The following LMO3 variants were observed in gnomAD, a reference collection of about 807,000 sequenced individuals.
The protein encoded by LMO3 is LIM domain only 3.
A neutral mutation model predicts 15.8 loss-of-function variants in LMO3; 2 were observed. That is an observed-to-expected ratio of 0.13 (90% confidence interval 0.05 to 0.40). The LOEUF (loss-of-function observed/expected upper bound fraction) is 0.40. LMO3 is among the 10% of genes least tolerant of loss of function. LMO3 has a pLI of 0.99. For synonymous variants in LMO3, 62 were observed against 63.8 expected (o/e 0.97, Z 0.13); for missense variants, 86 against 182.2 (o/e 0.47, Z 3.04).
In LMO3 at chr12:16,584,739, C is replaced by A; in HGVS notation, c.206+15916G>T. Among the ~76,000 whole-genome samples, 1 of 152,210 alleles carries A rather than the reference C, an allele frequency of 6.6e-6. No homozygotes were observed. Among genetic ancestry groups the A allele is most frequent in the South Asian group, 2.1e-4 (1 of 4,822 alleles). ...CAGCAAGAGATTTCTTTTATCAGGACGGGCTGCTTCTCGCCTCACAAAGCA... is the reference window on the plus strand; with the variant it reads ...CAGCAAGAGATTTCTTTTATCAGGAAGGGCTGCTTCTCGCCTCACAAAGCA... On this transcript the variant is annotated intron_variant, in intron 2 of 3. Coordinates refer to ENST00000537304, the MANE Select transcript of LMO3 (RefSeq NM_018640.5). This position sits in a 1 kb window ranked among gnomAD's most constrained non-coding sequence, Gnocchi z 5.2.
intron 2 of LMO3, among the ~76,000 whole-genome samples, chr12:16,574,413 G>T (rs1417059304): frequency 6.6e-6 from 1 of 152,102 alleles, no homozygotes; most frequent in African/African-American, 2.4e-5. Context: ...TCACGGATTT[G>T]CTGCTCTCCA....
rs933974267 is a variant in LMO3, at chr12:16,591,117, T to G, written c.206+9538A>C. The stretch of plus-strand genomic sequence containing the variant: ...GACATTTAGAAATGTATACGGGGCA[T>G]TGTTTGTTGCAACAGTGATAGGTGG... On this transcript the variant is annotated intron_variant, in intron 2 of 3. Coordinates refer to ENST00000537304, the MANE Select transcript of LMO3 (RefSeq NM_018640.5). This position sits in a 1 kb window ranked among gnomAD's most constrained non-coding sequence, Gnocchi z 4.1. Among the ~76,000 whole-genome samples the G allele has an allele frequency of 6.6e-6, 1 of 152,052 alleles. No homozygotes were observed. Among genetic ancestry groups the G allele is most frequent in the African/African-American group, 2.4e-5 (1 of 41,418 alleles).
chr12:16,579,001 A>G (rs1411895682), intron 2 of LMO3, among the ~76,000 whole-genome samples: 1 of 152,204 alleles, frequency 6.6e-6, no homozygotes, highest in East Asian at 1.9e-4. Context: ...CTAGTATATT[A>G]CATTTGTACA....
rs928835900 is a variant in LMO3, at chr12:16,549,075, G to A, written c.*2147C>T. On this transcript the variant is annotated 3_prime_UTR_variant, in exon 4 of 4. Transcript: ENST00000537304. ...AAACCTTAAAAGATCATCTGAATAA[G>A]ATCCTGACAATTATAATTTTACATC... is the stretch of plus-strand genomic sequence containing the variant. 1 of 152,090 alleles carries A rather than the reference G, an allele frequency of 6.6e-6. No homozygotes were observed. The highest frequency in any genetic ancestry group is 2.4e-5 in the African/African-American group (1 of 41,414). 9.4% of individuals were successfully genotyped at this position (152,090 alleles called of 1,614,324 possible). A position where few individuals can be genotyped will look rare whatever the true frequency, so the allele number is the denominator to read the frequency against.
rs1943553768 is a variant in LMO3, at chr12:16,593,453, A to G, written c.206+7202T>C. Among the ~76,000 whole-genome samples the G allele has an allele frequency of 6.6e-6, 1 of 151,858 alleles. No individual in the cohort carries two copies. The highest frequency in any genetic ancestry group is 1.5e-5 in the Non-Finnish European group (1 of 67,792). On this transcript the variant is annotated intron_variant, in intron 2 of 3. Transcript: ENST00000537304. This position sits in a 1 kb window ranked among gnomAD's most constrained non-coding sequence, Gnocchi z 4.2. ...AAGTGTGATTTCATTTTAAACTTGT[A>G]AAGCCCACAACTAGAGATTTTTGCA...
At chr12:16,600,925 C>T in intron 1 of LMO3, 57 bp from the exon 2 acceptor site, 1 of 1,239,432 alleles carries the variant, frequency 8.1e-7, no homozygotes, top group Non-Finnish European at 1.2e-6. Context: ...AATAAAAAGA[C>T]CTCAAACAAG....
rs1315654999 is a variant in LMO3 at position 16,566,021 on chromosome 12, T to C, written c.207-5483A>G. On this transcript the variant is annotated intron_variant, in intron 2 of 3. Transcript: ENST00000537304. ...ATATATATATATATATATATATATA[T>C]ATATATATATATATATATAAAATGG... Among the ~76,000 whole-genome samples, 3 of 79,152 alleles carry C rather than the reference T, an allele frequency of 3.8e-5. 1 individual carries two copies. In the South Asian group the frequency reaches 1.3e-3, roughly 33 times the overall value. 51.9% of individuals were successfully genotyped at this position (79,152 alleles called of 152,430 possible). A position where few individuals can be genotyped will look rare whatever the true frequency, so the allele number is the denominator to read the frequency against.
chr12:16,566,039 T>TATATATATAA lies in LMO3; in HGVS notation c.207-5502_207-5501insTTATATATAT, dbSNP rs1565488437. ...ATATATATATATATATATATATATA[T>TATATATATAA]AAAATGGAGTACTATTCAGCCATAA... is the stretch of plus-strand genomic sequence containing the variant. On this transcript the variant is annotated intron_variant, in intron 2 of 3. Transcript: ENST00000537304. Among the ~76,000 whole-genome samples, 11 of 86,506 alleles carry TATATATATAA rather than the reference T, an allele frequency of 1.3e-4. 1 individual carries two copies. Among genetic ancestry groups the TATATATATAA allele is most frequent in the Non-Finnish European group, 2.0e-4 (9 of 44,266 alleles). 56.8% of individuals were successfully genotyped at this position (86,506 alleles called of 152,430 possible).
Position 16,589,128 on chromosome 12 carries a change from C to T in LMO3, c.206+11527G>A, listed in dbSNP as rs1434020190. Among the ~76,000 whole-genome samples the T allele has an allele frequency of 5.9e-5, 9 of 151,960 alleles. No individual in the cohort carries two copies. The highest frequency in any genetic ancestry group is 2.0e-4 in the Admixed American group (3 of 15,236). ...CAACCTGACATGCCTCTAAGATCTA[C>T]GAATTAGATGTAACCTCACCCAGTT... On this transcript the variant is annotated intron_variant, in intron 2 of 3. Transcript: ENST00000537304. The surrounding 1 kb of genome is among the most constrained non-coding windows in gnomAD (Gnocchi z 4.2).
rs1390295017 is a variant in LMO3 at position 16,576,613 on chromosome 12, A to G, written c.207-16075T>C. Among the ~76,000 whole-genome samples, 1 of 152,150 alleles carries G rather than the reference A, an allele frequency of 6.6e-6. No homozygotes were observed. The highest frequency in any genetic ancestry group is 2.4e-5 in the African/African-American group (1 of 41,428). ...CCTGTTTGTCTCTTTCTCACTACAT[A>G]ATAAGCTCCCTGAAAACTTGCCTTC... On this transcript the variant is annotated intron_variant, in intron 2 of 3. Transcript: ENST00000537304. This position sits in a 1 kb window ranked among gnomAD's most constrained non-coding sequence, Gnocchi z 4.1.
chr12:16,569,796 G>C (rs1286543023), intron 2 of LMO3, among the ~76,000 whole-genome samples: 1 of 152,028 alleles, frequency 6.6e-6, no homozygotes, highest in Non-Finnish European at 1.5e-5. Flanking sequence ...GAAAGAACTA[G>C]AGTATTAAAA....
At chr12:16,579,281 C>T (rs1314850207) in intron 2 of LMO3, among the ~76,000 whole-genome samples, 1 of 152,106 alleles carries the variant, frequency 6.6e-6, no homozygotes, top group Non-Finnish European at 1.5e-5. Flanking sequence ...CAAGAATTGT[C>T]CAAATTTGTT....
Position 16,606,072 on chromosome 12 carries a change from A to G in LMO3, c.-15T>C. On this transcript the variant is annotated 5_prime_UTR_variant, in exon 1 of 4. Transcript: ENST00000537304. Reference sequence around the variant, plus strand: ...ACACAGTTGCTGCACTTACCTTCTCAATTAAGCGATACAGGGGGAGGCCGT... The same window carrying G: ...ACACAGTTGCTGCACTTACCTTCTCGATTAAGCGATACAGGGGGAGGCCGT... The G allele has an allele frequency of 1.9e-6, 1 of 520,126 alleles. No homozygotes were observed. The allele number at this position is 520,126 out of a possible 1,614,324, so 32.2% of individuals were successfully genotyped here. A position where few individuals can be genotyped will look rare whatever the true frequency, so the allele number is the denominator to read the frequency against.
Position 16,600,723 on chromosome 12 carries a change from G to A in LMO3, c.138C>T (p.Arg46=). 1 of 1,614,138 alleles carries A rather than the reference G, an allele frequency of 6.2e-7. No individual in the cohort carries two copies. Residue 46 remains arginine (R), a synonymous_variant, in exon 2 of 4, where the codon CGC becomes CGT. Coordinates refer to ENST00000537304, the MANE Select transcript of LMO3 (RefSeq NM_018640.5). ...ACAGGGTGGAGCCCACCTCTCCCAA[G>A]CGACAGTCACAGCAGGCACACTTCA... is the stretch of plus-strand genomic sequence containing the variant. ...DCLKCACCDC[R]LGEVGSTLYT... is the part of the protein sequence containing the mutation.
At chr12:16,605,436 G>GCCCCCCCCCC (rs56405071) in intron 1 of LMO3, 45 of 372,676 alleles carry the variant, frequency 1.2e-4, no homozygotes, top group Admixed American at 9.0e-4. Context: ...CTACCCGCCT[G>GCCCCCCCCCC]CCCCCCCCCC....
At chr12:16,552,358 T>C (rs1295442566) in intron 3 of LMO3, among the ~76,000 whole-genome samples, 1 of 152,052 alleles carries the variant, frequency 6.6e-6, no homozygotes, top group East Asian at 1.9e-4. Flanking sequence ...CTTTATCAGA[T>C]AGTCAATTTC....
chr12:16,605,436 G>GGCCCCCCCCCCCCCCCCCC, intron 1 of LMO3: 1 of 372,022 alleles, frequency 2.7e-6, no homozygotes, highest in Non-Finnish European at 3.3e-6. Flanking sequence ...CTACCCGCCT[G>GGCCCCCCCCCCCCCCCCCC]CCCCCCCCCC....
chr12:16,605,668 C>G, intron 1 of LMO3: 1 of 1,212,934 alleles, frequency 8.2e-7, no homozygotes, highest in Non-Finnish European at 1.2e-6. Context: ...CAAACACTTC[C>G]TAATTCCAAA....
intron 2 of LMO3, among the ~76,000 whole-genome samples, chr12:16,592,845 A>T (rs982905175): frequency 1.3e-5 from 2 of 151,940 alleles, no homozygotes; most frequent in African/African-American, 4.8e-5. Context: ...AAAATCTTTT[A>T]AAAACAAAAA....
Sources: gnomAD v4.1 joint callset for allele counts (sites outside exome capture counted in the v4.1 genomes callset) on GRCh38, gnomAD v4.1.1 for gene constraint, Gnocchi (gnomAD v3.1) non-coding constraint, MANE v1.5 for transcripts, NCBI Gene and HGNC (gene_info 2026-07-23, HGNC 2026-07-21) for gene names.